DENND1A: variants seen among roughly 807,000 people sequenced by gnomAD.
DENND1A encodes DENN domain containing 1A, also known as DENN domain-containing protein 1A.
Under a neutral mutation model 113.7 loss-of-function variants are expected in DENND1A, and 51 were observed. The ratio of observed to expected loss-of-function variants is 0.45; its 90% confidence interval spans 0.36 to 0.57. DENND1A has a LOEUF of 0.57. Among genes scored for constraint, DENND1A ranks in the 20% least tolerant of loss-of-function variants. DENND1A has a pLI of 0.00. For missense variants in DENND1A, 1,258 were observed against 1,395.9 expected, an observed-to-expected ratio of 0.90 and a Z score of 1.57; for synonymous variants, 565 against 570.8, an observed-to-expected ratio of 0.99 and a Z score of 0.14.
chr9:123,888,275 G>C (rs1208606842), intron 1 of DENND1A, among the ~76,000 whole-genome samples: 1 of 152,156 alleles, frequency 6.6e-6, no homozygotes, highest in African/African-American at 2.4e-5. Flanking sequence ...GCCAAATCTG[G>C]GGCAGTCTGA....
chr9:123,753,781 C>T (rs1204513134), intron 5 of DENND1A, among the ~76,000 whole-genome samples: 2 of 152,142 alleles, frequency 1.3e-5, no homozygotes, highest in Non-Finnish European at 1.5e-5. Context: ...CAAAGGAGGA[C>T]CAAGGTTATG....
intron 11 of DENND1A, among the ~76,000 whole-genome samples, chr9:123,604,050 T>C (rs1174902664): frequency 1.3e-5 from 2 of 152,212 alleles, no homozygotes; most frequent in Admixed American, 1.3e-4. Flanking sequence ...CCCTCCTCTA[T>C]TTACACCCTT....
Position 123,603,793 on chromosome 9 carries a change from G to A in DENND1A, c.765+5643C>T, listed in dbSNP as rs117208290. On this transcript the variant is annotated intron_variant, in intron 11 of 23. Coordinates refer to ENST00000394215, the MANE Select transcript of DENND1A (RefSeq NM_001352964.2). ...AAAGACACAATCTAGTAAAAGTGGTGCTAATACTTCGAAGAAAGCCATCAC... is the reference window on the plus strand; with the variant it reads ...AAAGACACAATCTAGTAAAAGTGGTACTAATACTTCGAAGAAAGCCATCAC... Among the ~76,000 whole-genome samples, 36 of 152,304 alleles carry A rather than the reference G, an allele frequency of 2.4e-4. No individual in the cohort carries two copies. In the East Asian group the frequency reaches 6.6e-3, roughly 28 times the overall value.
intron 9 of DENND1A, among the ~76,000 whole-genome samples, chr9:123,641,402 C>T (rs1262637882): frequency 2.7e-5 from 4 of 149,802 alleles, no homozygotes; most frequent in African/African-American, 9.9e-5. Context: ...AAATTTTCTG[C>T]CATGGCAGAA....
chr9:123,464,585 G>T (rs1380486481), intron 13 of DENND1A, among the ~76,000 whole-genome samples: 1 of 152,136 alleles, frequency 6.6e-6, no homozygotes, highest in African/African-American at 2.4e-5. Flanking sequence ...GGGGCAGGGG[G>T]AAGGGTGAGT....
intron 11 of DENND1A, among the ~76,000 whole-genome samples, chr9:123,606,898 A>T (rs949398742): frequency 5.3e-5 from 8 of 152,218 alleles, no homozygotes; most frequent in Non-Finnish European, 1.2e-4. Flanking sequence ...AAGAAAACAG[A>T]GCAGGAGGAC....
chr9:123,926,930 C>T (rs1453354672), intron 1 of DENND1A, among the ~76,000 whole-genome samples: 1 of 150,244 alleles, frequency 6.7e-6, no homozygotes, highest in Admixed American at 6.7e-5. Context: ...GCCACAGAAA[C>T]ACGGATGAAG....
At chr9:123,849,310 T>C (rs1843023937) in intron 2 of DENND1A, among the ~76,000 whole-genome samples, 1 of 152,196 alleles carries the variant, frequency 6.6e-6, no homozygotes, top group South Asian at 2.1e-4. Context: ...TTCTTAAGTA[T>C]AATATTACGC....
chr9:123,585,479 A>AT (rs2059119553), intron 11 of DENND1A, among the ~76,000 whole-genome samples: 1 of 152,244 alleles, frequency 6.6e-6, no homozygotes, highest in Non-Finnish European at 1.5e-5. Context: ...ACGAGTTCAT[A>AT]TTTTACAGCG....
intron 9 of DENND1A, among the ~76,000 whole-genome samples, chr9:123,640,618 T>A (rs73665315): frequency 0.014 from 2,086 of 152,296 alleles, 46 homozygotes; most frequent in African/African-American, 0.048. Context: ...TTTCTGAGAG[T>A]CAAATCGGGG....
chr9:123,730,515 T>A (rs1445935393), intron 5 of DENND1A, among the ~76,000 whole-genome samples: 3 of 152,070 alleles, frequency 2.0e-5, no homozygotes, highest in African/African-American at 7.2e-5. Flanking sequence ...AAGCTCAACA[T>A]CACTGGCCAT....
At chr9:123,566,913 C>CCACA (rs59984497) in intron 12 of DENND1A, among the ~76,000 whole-genome samples, 5,184 of 147,408 alleles carry the variant, frequency 0.035, 297 homozygotes, top group African/African-American at 0.12. Flanking sequence ...CTTTAACACA[C>CCACA]CACACACACA....
chr9:123,921,067 G>A (rs1856159755), intron 1 of DENND1A, among the ~76,000 whole-genome samples: 1 of 152,090 alleles, frequency 6.6e-6, no homozygotes, highest in Non-Finnish European at 1.5e-5. Context: ...CTGAAAGGAA[G>A]CAAATACTTT....
intron 9 of DENND1A, among the ~76,000 whole-genome samples, chr9:123,651,695 A>G (rs987952974): frequency 1.3e-5 from 2 of 152,258 alleles, no homozygotes; most frequent in Admixed American, 6.5e-5. Flanking sequence ...GATTTAGTAA[A>G]TAATGACACA....
intron 13 of DENND1A, among the ~76,000 whole-genome samples, chr9:123,533,877 A>G (rs1425392448): frequency 6.6e-6 from 1 of 152,230 alleles, no homozygotes; most frequent in Non-Finnish European, 1.5e-5. Context: ...GTGGAAACCC[A>G]GAACCTCAAT....
At chr9:123,536,819 C>T (rs1042217516) in intron 13 of DENND1A, among the ~76,000 whole-genome samples, 3 of 152,140 alleles carry the variant, frequency 2.0e-5, no homozygotes, top group African/African-American at 4.8e-5. Flanking sequence ...ACCCACAAAA[C>T]ACCAGAAAGC....
intron 15 of DENND1A, among the ~76,000 whole-genome samples, chr9:123,456,239 C>A (rs1418059841): frequency 6.6e-6 from 1 of 152,102 alleles, no homozygotes; most frequent in Non-Finnish European, 1.5e-5. Context: ...AGAATAGACA[C>A]ACACCCAGCA....
chr9:123,837,330 A>G (rs954818820), intron 2 of DENND1A, among the ~76,000 whole-genome samples: 3 of 152,174 alleles, frequency 2.0e-5, no homozygotes, highest in African/African-American at 7.2e-5. Context: ...CCTGCCCCCA[A>G]GAGGATCGAC....
At chr9:123,411,092 T>G (rs1330756176) in intron 20 of DENND1A, among the ~76,000 whole-genome samples, 3 of 151,606 alleles carry the variant, frequency 2.0e-5, no homozygotes, top group African/African-American at 4.9e-5. Context: ...TTACTTGGTT[T>G]TTTTTTTTTT....
Sources: allele counts gnomAD v4.1 joint callset (sites outside exome capture counted in the v4.1 genomes callset), GRCh38; gene constraint gnomAD v4.1.1; transcripts MANE v1.5; gene names NCBI Gene and HGNC (gene_info 2026-07-23, HGNC 2026-07-21).